Variants in SNRPG observed in about 807,000 individuals in gnomAD.
SNRPG encodes the protein small nuclear ribonucleoprotein G.
Under a neutral mutation model 13.9 loss-of-function variants are expected in SNRPG, and 3 were observed. That is an observed-to-expected ratio of 0.22 (90% CI 0.10 to 0.56). SNRPG has a LOEUF of 0.56. Ranked by LOEUF, SNRPG falls within the 20% of genes least tolerant of loss-of-function variation. SNRPG has a pLI of 0.93. For missense variants in SNRPG, 34 were observed against 96.1 expected, an observed-to-expected ratio of 0.35 and a Z score of 2.70; for synonymous variants, 29 against 29.3, an observed-to-expected ratio of 0.99 and a Z score of 0.03.
In SNRPG at chr2:70,292,686, C is replaced by T. The variant is rs118141081; in HGVS notation, c.32+932G>A. 6.0e-4 allele frequency: 95 copies of T among 159,190 alleles called. 1 individual carries two copies. The East Asian group carries it at 0.018, about 29-fold the overall frequency. 9.9% of individuals were successfully genotyped at this position (159,190 alleles called of 1,614,324 possible). ...AATAGGAACTTTACCTTTTGTCTGA[C>T]TTCCATGGGCCTGGTAATAAATGAA... On this transcript the variant is annotated intron_variant, in intron 1 of 3. Coordinates refer to ENST00000272348, the MANE Select transcript of SNRPG (RefSeq NM_003096.4).
At chr2:70,281,763 A>C in intron 3 of SNRPG, 79 bp from the exon 4 acceptor site, 1 of 797,664 alleles carries the variant, frequency 1.3e-6, no homozygotes, top group Non-Finnish European at 2.1e-6. Flanking sequence ...ATTTTCACCA[A>C]ATCATTAATG....
intron 1 of SNRPG, among the ~76,000 whole-genome samples, chr2:70,289,918 A>G (rs1299996791): frequency 6.6e-6 from 1 of 152,108 alleles, no homozygotes; most frequent in African/African-American, 2.4e-5. Flanking sequence ...TTTAGACTAT[A>G]TTAATTTACA....
chr2:70,290,112 T>A lies in SNRPG; in HGVS notation c.33-740A>T, dbSNP rs965272931. Among the ~76,000 whole-genome samples, 3 of 151,620 alleles carry A rather than the reference T, an allele frequency of 2.0e-5. No individual in the cohort carries two copies. The South Asian group carries it at 6.2e-4, about 32-fold the overall frequency. On this transcript the variant is annotated intron_variant, in intron 1 of 3. Transcript: ENST00000272348. Reference sequence around the variant, plus strand: ...CCCCCTCAGCCTCCCAAAGTGCCGCTGGGATTACACAGGCATGAGCTACCA... The same window carrying A: ...CCCCCTCAGCCTCCCAAAGTGCCGCAGGGATTACACAGGCATGAGCTACCA...
intron 2 of SNRPG, among the ~76,000 whole-genome samples, 195 bp from the exon 3 acceptor site, chr2:70,288,387 T>G (rs1696995328): frequency 6.6e-6 from 1 of 152,216 alleles, no homozygotes. Flanking sequence ...AAAAGTAGTA[T>G]TATCCTTACT....
Position 70,293,656 on chromosome 2 carries a change from T to C in SNRPG, c.-7A>G, listed in dbSNP as rs1697164710. ...GAGGGTGAGCTTTGCTCATGGTGTA[T>C]ACTCCGCGGGCTCACAGATGCCTTG... On this transcript the variant is annotated 5_prime_UTR_variant, in exon 1 of 4. Transcript: ENST00000272348. 1.2e-6 allele frequency: 2 copies of C among 1,614,088 alleles called. No homozygotes were observed. The highest frequency in any genetic ancestry group is 2.2e-5 in the East Asian group (1 of 44,892).
At chr2:70,287,952 G>GGAA in intron 3 of SNRPG, 116 bp downstream of exon 3, 1 of 934,144 alleles carries the variant, frequency 1.1e-6, no homozygotes, top group Admixed American at 1.9e-5. Context: ...AAAAGGAGAT[G>GGAA]GAAAGTCTAA....
At chr2:70,288,840 A>G (rs1214360749) in intron 2 of SNRPG, among the ~76,000 whole-genome samples, 1 of 147,578 alleles carries the variant, frequency 6.8e-6, no homozygotes, top group Non-Finnish European at 1.5e-5. Flanking sequence ...TACATAAGAT[A>G]AAGTCTGAAG....
At position 70,290,723 on chromosome 2, in the gene SNRPG, T is replaced by C. The variant is rs968563409; in HGVS notation, c.33-1351A>G. ...TTTATGGGCTGGGCGCGGTGGCTCA[T>C]GCTTGTAATCCCAGCACTTTGGGAG... On this transcript the variant is annotated intron_variant, in intron 1 of 3. Transcript: ENST00000272348. 4.7e-5 allele frequency among the ~76,000 whole-genome samples: 7 copies of C among 147,528 alleles called. No homozygotes were observed. In the South Asian group the frequency reaches 1.1e-3, roughly 22 times the overall value.
intron 1 of SNRPG, among the ~76,000 whole-genome samples, chr2:70,292,452 A>G (rs1697124202): frequency 6.6e-6 from 1 of 152,120 alleles, no homozygotes; most frequent in South Asian, 2.1e-4. Context: ...GGTTCAAGCG[A>G]TTCTCCTGCC....
chr2:70,293,732 G>T lies in SNRPG; in HGVS notation c.-83C>A. On this transcript the variant is annotated 5_prime_UTR_variant, in exon 1 of 4. Coordinates refer to ENST00000272348, the MANE Select transcript of SNRPG (RefSeq NM_003096.4). ...GCTCCCGCTGTAGGCCCGGCGTCTT[G>T]CGTCTGGCGTCATCGACCTCGTTAG... is the stretch of plus-strand genomic sequence containing the variant. The T allele has an allele frequency of 7.6e-7, 1 of 1,317,512 alleles. No individual in the cohort carries two copies. Among genetic ancestry groups the T allele is most frequent in the African/African-American group, 1.4e-5 (1 of 69,494 alleles). The allele number at this position is 1,317,512 out of a possible 1,614,324, so 81.6% of individuals were successfully genotyped here.
chr2:70,287,954 A>G (rs1559044054), intron 3 of SNRPG, 114 bp downstream of exon 3: 2 of 947,202 alleles, frequency 2.1e-6, no homozygotes, highest in Non-Finnish European at 3.4e-6. Context: ...AAGGAGATGG[A>G]AAGTCTAATC....
intron 3 of SNRPG, among the ~76,000 whole-genome samples, chr2:70,282,751 G>T (rs72904347): frequency 2.6e-5 from 4 of 152,094 alleles, no homozygotes; most frequent in African/African-American, 9.7e-5. Flanking sequence ...ATAAAAAAAA[G>T]GCCCTAGGAG....
chr2:70,293,691 G>A lies in SNRPG; in HGVS notation c.-42C>T, dbSNP rs370473703. 9.4e-6 allele frequency: 15 copies of A among 1,601,036 alleles called. No individual in the cohort carries two copies. Among genetic ancestry groups the A allele is most frequent in the Non-Finnish European group, 1.2e-5 (14 of 1,168,178 alleles). On this transcript the variant is annotated 5_prime_UTR_variant, in exon 1 of 4. Coordinates refer to ENST00000272348, the MANE Select transcript of SNRPG (RefSeq NM_003096.4). Reference sequence around the variant, plus strand: ...GCTCACAGATGCCTTGGAACGCAACGCACGGCTTTCCTCACGCTCCCGCTG... The same window carrying A: ...GCTCACAGATGCCTTGGAACGCAACACACGGCTTTCCTCACGCTCCCGCTG...
intron 3 of SNRPG, among the ~76,000 whole-genome samples, chr2:70,286,929 T>C (rs1302837674): frequency 6.6e-6 from 1 of 152,200 alleles, no homozygotes; most frequent in African/African-American, 2.4e-5. Context: ...GAAAATGTTT[T>C]TAAAAGGACT....
Position 70,293,629 on chromosome 2 carries a change from G to C in SNRPG, c.21C>G (p.Pro7=), listed in dbSNP as rs1034712471. The C allele has an allele frequency of 1.9e-6, 3 of 1,613,970 alleles. No homozygotes were observed. Among genetic ancestry groups the C allele is most frequent in the Admixed American group, 1.7e-5 (1 of 60,030 alleles). The change falls in exon 1 of 4, where the codon CCC becomes CCG. Residue 7 remains proline, a synonymous_variant. Coordinates refer to ENST00000272348, the MANE Select transcript of SNRPG (RefSeq NM_003096.4). The part of the protein sequence containing the change: MSKAHP[P]ELKKFMDKKL... Reference sequence around the variant, plus strand: ...TCACACATACTTACTTTTTCAACTCGGGAGGGTGAGCTTTGCTCATGGTGT... The same window carrying C: ...TCACACATACTTACTTTTTCAACTCCGGAGGGTGAGCTTTGCTCATGGTGT...
At chr2:70,291,982 C>T (rs1460985575) in intron 1 of SNRPG, among the ~76,000 whole-genome samples, 1 of 143,494 alleles carries the variant, frequency 7.0e-6, no homozygotes, top group Admixed American at 7.3e-5. Context: ...GAGTCTCGCT[C>T]TGTTGCCCAG....
chr2:70,281,769 T>C (rs2104906511), intron 3 of SNRPG, 85 bp from the exon 4 acceptor site: 1 of 769,238 alleles, frequency 1.3e-6, no homozygotes, highest in Non-Finnish European at 2.2e-6. Context: ...ACCAAATCAT[T>C]AATGGTTTTT....
intron 3 of SNRPG, among the ~76,000 whole-genome samples, chr2:70,283,050 G>A (rs1325155063): frequency 2.4e-5 from 3 of 125,974 alleles, no homozygotes; most frequent in South Asian, 2.7e-4. Flanking sequence ...AGCCAAGATA[G>A]CGCCACTGCA....
At chr2:70,293,594 G>C in intron 1 of SNRPG, 24 bp downstream of exon 1, 1 of 1,607,640 alleles carries the variant, frequency 6.2e-7, no homozygotes, top group South Asian at 1.1e-5. Flanking sequence ...TGACCACTTC[G>C]GTTTGGCTCT....
Sources: gnomAD v4.1 joint callset for allele counts (sites outside exome capture counted in the v4.1 genomes callset) on GRCh38, gnomAD v4.1.1 for gene constraint, MANE v1.5 for transcripts, NCBI Gene and HGNC (gene_info 2026-07-23, HGNC 2026-07-21) for gene names.